Variants in TLN2 observed in about 807,000 individuals in gnomAD.
The protein encoded by TLN2 is talin-2.
A neutral mutation model predicts 294.7 loss-of-function variants in TLN2; 118 were observed. That is an observed-to-expected ratio of 0.40 (90% CI 0.34 to 0.47). The LOEUF (loss-of-function observed/expected upper bound fraction) is 0.47, where lower values mean the gene tolerates loss of function less well. Among genes scored for constraint, TLN2 ranks in the 20% least tolerant of loss-of-function variants. TLN2 has a pLI of 0.84. For synonymous variants in TLN2, 1,431 were observed against 1,304.5 expected, an observed-to-expected ratio of 1.10 and a Z score of -2.09; for missense variants, 3,083 against 3,282.2, an observed-to-expected ratio of 0.94 and a Z score of 1.48.
chr15:62,470,978 G>C (rs563345656), intron 1 of TLN2, among the ~76,000 whole-genome samples: 1 of 152,214 alleles, frequency 6.6e-6, no homozygotes, highest in African/African-American at 2.4e-5. Context: ...ATATGAAGAA[G>C]CTCTTGAATA....
At chr15:62,407,955 TAAAAG>T (rs2033519654) in intron 1 of TLN2, among the ~76,000 whole-genome samples, 1 of 133,072 alleles carries the variant, frequency 7.5e-6, no homozygotes, top group African/African-American at 2.6e-5. Flanking sequence ...AATAAATAAA[TAAAAG>T]AAAAAGGTGC....
chr15:62,750,570 A>G (rs1377961551), intron 34 of TLN2, 79 bp downstream of exon 34: 2 of 1,252,302 alleles, frequency 1.6e-6, no homozygotes, highest in Non-Finnish European at 2.3e-6. Flanking sequence ...CCTTCTGTGC[A>G]TCTGCCTGTG....
In TLN2 at chr15:62,781,897, A is replaced by C. The variant is rs911191935; in HGVS notation, c.5616+656A>C. Among the ~76,000 whole-genome samples, 3 of 152,240 alleles carry C rather than the reference A, an allele frequency of 2.0e-5. No homozygotes were observed. The South Asian group carries it at 6.2e-4, about 32-fold the overall frequency. On this transcript the variant is annotated intron_variant, in intron 44 of 58. Transcript: ENST00000636159. ...GTATTATATAGATTCTTAGATATAA[A>C]TGGCATTGAGAGATAGTGAATGCTA...
At chr15:62,510,997 T>C (rs2039903636) in intron 1 of TLN2, among the ~76,000 whole-genome samples, 1 of 152,208 alleles carries the variant, frequency 6.6e-6, no homozygotes, top group African/African-American at 2.4e-5. Context: ...CGTCTTACAA[T>C]ATTAGTGGCT....
At chr15:62,414,191 T>TATAA (rs1379562270) in intron 1 of TLN2, among the ~76,000 whole-genome samples, 1 of 122,930 alleles carries the variant, frequency 8.1e-6, no homozygotes, top group Non-Finnish European at 1.7e-5. Context: ...TATATATATA[T>TATAA]AATTTGAGAA....
At chr15:62,446,674 T>TC (rs1566977800) in intron 1 of TLN2, among the ~76,000 whole-genome samples, 1 of 151,868 alleles carries the variant, frequency 6.6e-6, no homozygotes, top group Admixed American at 6.6e-5. Flanking sequence ...TTTAAACATT[T>TC]TTTTGTATTC....
intron 1 of TLN2, among the ~76,000 whole-genome samples, chr15:62,503,795 C>T (rs2039435456): frequency 6.6e-6 from 1 of 152,140 alleles, no homozygotes; most frequent in African/African-American, 2.4e-5. Flanking sequence ...TGTCAGAGAA[C>T]CTGGAAGCCT....
chr15:62,404,131 G>T (rs549996101), intron 1 of TLN2, among the ~76,000 whole-genome samples: 3 of 152,322 alleles, frequency 2.0e-5, no homozygotes, highest in South Asian at 2.1e-4. Flanking sequence ...GTGGAAACCA[G>T]TGTCTCATGG....
intron 3 of TLN2, among the ~76,000 whole-genome samples, chr15:62,643,520 T>C (rs975607008): frequency 4.0e-5 from 6 of 151,114 alleles, no homozygotes; most frequent in African/African-American, 1.5e-4. Context: ...ACAAGTCTCA[T>C]AGTGAATGTA....
intron 28 of TLN2, 136 bp downstream of exon 28, chr15:62,727,325 C>G: frequency 1.3e-6 from 1 of 766,452 alleles, no homozygotes; most frequent in Non-Finnish European, 2.1e-6. Context: ...TTTTCAAGCA[C>G]CATGTGCTTG....
chr15:62,440,196 G>A (rs1260363634), intron 1 of TLN2, among the ~76,000 whole-genome samples: 2 of 152,188 alleles, frequency 1.3e-5, no homozygotes, highest in African/African-American at 2.4e-5. Context: ...TCAAGTCTCA[G>A]TTTGGGCCTC....
intron 2 of TLN2, among the ~76,000 whole-genome samples, chr15:62,590,806 A>G (rs1447617510): frequency 2.6e-5 from 4 of 152,152 alleles, no homozygotes; most frequent in Admixed American, 6.5e-5. Context: ...TAGCTGTATC[A>G]TGGCACACCC....
intron 9 of TLN2, among the ~76,000 whole-genome samples, chr15:62,660,301 G>C (rs1324680034): frequency 6.6e-6 from 1 of 152,094 alleles, no homozygotes; most frequent in Non-Finnish European, 1.5e-5. Context: ...CTTTAGTGAA[G>C]GTACTCATTT....
chr15:62,738,058 C>G (rs936102693), intron 29 of TLN2, among the ~76,000 whole-genome samples, 156 bp from the exon 30 acceptor site: 2 of 152,100 alleles, frequency 1.3e-5, no homozygotes, highest in African/African-American at 4.8e-5. Flanking sequence ...GGACAAGGGG[C>G]CTGGATGAGG....
intron 45 of TLN2, 74 bp downstream of exon 45, chr15:62,783,964 C>A (rs765826152): frequency 1.1e-5 from 18 of 1,591,118 alleles, no homozygotes; most frequent in Non-Finnish European, 1.4e-5. Context: ...TTCTTCATAG[C>A]TTAGCTCCAC....
At chr15:62,709,124 C>G (rs1021713823) in intron 21 of TLN2, among the ~76,000 whole-genome samples, 1 of 152,170 alleles carries the variant, frequency 6.6e-6, no homozygotes, top group Non-Finnish European at 1.5e-5. Flanking sequence ...GAAACAAGAT[C>G]AAGGCTTGGA....
chr15:62,706,724 A>T (rs2059097530), intron 19 of TLN2, among the ~76,000 whole-genome samples: 1 of 152,174 alleles, frequency 6.6e-6, no homozygotes, highest in Non-Finnish European at 1.5e-5. Context: ...TGGCATCTGG[A>T]TATGTTTTCA....
chr15:62,804,035 C>T (rs148252425), intron 50 of TLN2, among the ~76,000 whole-genome samples: 43 of 152,288 alleles, frequency 2.8e-4, no homozygotes, highest in Non-Finnish European at 5.3e-4. Context: ...TTTGCAGACT[C>T]ATAAAGGTAC....
intron 1 of TLN2, among the ~76,000 whole-genome samples, chr15:62,489,456 C>T (rs2140403468): frequency 6.6e-6 from 1 of 152,294 alleles, no homozygotes; most frequent in South Asian, 2.1e-4. Flanking sequence ...TGAAACTTTT[C>T]ATATAAACCA....
Sources: gnomAD v4.1 joint callset for allele counts (sites outside exome capture counted in the v4.1 genomes callset) on GRCh38, gnomAD v4.1.1 for gene constraint, MANE v1.5 for transcripts, NCBI Gene and HGNC (gene_info 2026-07-23, HGNC 2026-07-21) for gene names.